The following CDH8 variants were observed in gnomAD, a reference collection of about 807,000 sequenced individuals.
CDH8 encodes the protein cadherin 8, also known as cadherin-8.
CDH8 carries 17 observed loss-of-function variants against 68.1 expected under a neutral mutation model. The ratio of observed to expected loss-of-function variants is 0.25; its 90% CI spans 0.17 to 0.37. The LOEUF (loss-of-function observed/expected upper bound fraction) is 0.37. Among genes scored for constraint, CDH8 ranks in the 10% least tolerant of loss-of-function variants. CDH8 has a pLI of 1.00. For synonymous variants in CDH8, 372 were observed against 365.1 expected (o/e 1.02, Z -0.21); for missense variants, 763 against 999.3 (o/e 0.76, Z 3.19).
At chr16:61,833,825 C>A (rs566007965) in intron 4 of CDH8, among the ~76,000 whole-genome samples, 99 of 151,876 alleles carry the variant, frequency 6.5e-4, no homozygotes, top group Admixed American at 3.9e-4. Flanking sequence ...TCTCAGCTGC[C>A]AAGAAGTCTT....
At chr16:62,025,464 A>G (rs1427903696) in intron 1 of CDH8, among the ~76,000 whole-genome samples, 1 of 152,018 alleles carries the variant, frequency 6.6e-6, no homozygotes, top group Non-Finnish European at 1.5e-5. Flanking sequence ...TTCCCGTGCA[A>G]CTTCCCAATT....
intron 2 of CDH8, among the ~76,000 whole-genome samples, chr16:61,962,296 C>T (rs1018367705): frequency 2.0e-5 from 3 of 152,134 alleles, no homozygotes; most frequent in African/African-American, 4.8e-5. Flanking sequence ...TGTCTCCATG[C>T]AAGTGAGCAT....
chr16:62,030,644 A>C (rs1902302729), intron 1 of CDH8, among the ~76,000 whole-genome samples: 1 of 152,064 alleles, frequency 6.6e-6, no homozygotes, highest in African/African-American at 2.4e-5. Flanking sequence ...TCATTAATCT[A>C]TCTAGAGAGA....
chr16:61,758,949 G>A (rs1214079053), intron 8 of CDH8, among the ~76,000 whole-genome samples: 1 of 152,056 alleles, frequency 6.6e-6, no homozygotes, highest in Non-Finnish European at 1.5e-5. Flanking sequence ...CTTTGGTGAC[G>A]CCATTGAGCA....
intron 4 of CDH8, among the ~76,000 whole-genome samples, chr16:61,826,504 T>C (rs1161128986): frequency 1.3e-5 from 2 of 151,896 alleles, no homozygotes; most frequent in African/African-American, 4.8e-5. Flanking sequence ...GTGTGTTACA[T>C]TTCTGGTCAA....
chr16:61,676,165 C>A (rs1963905999), intron 10 of CDH8, among the ~76,000 whole-genome samples: 1 of 144,012 alleles, frequency 6.9e-6, no homozygotes, highest in Middle Eastern at 3.7e-3. Flanking sequence ...AAAACCACAA[C>A]GTTTTGCTTG....
At chr16:61,742,214 A>T (rs1272392732) in intron 8 of CDH8, among the ~76,000 whole-genome samples, 1 of 152,138 alleles carries the variant, frequency 6.6e-6, no homozygotes, top group African/African-American at 2.4e-5. Context: ...AACTCTGACA[A>T]CCATGCAAAC....
At chr16:61,654,971 G>A (rs898854203) in intron 11 of CDH8, among the ~76,000 whole-genome samples, 5 of 152,050 alleles carry the variant, frequency 3.3e-5, no homozygotes, top group Non-Finnish European at 7.4e-5. Flanking sequence ...TTTATATGAA[G>A]GAAAATATCA....
chr16:61,856,728 G>A (rs1963054500), intron 4 of CDH8, among the ~76,000 whole-genome samples: 1 of 152,126 alleles, frequency 6.6e-6, no homozygotes, highest in East Asian at 1.9e-4. Flanking sequence ...ACAGTATTAT[G>A]TGGTACGTTC....
intron 10 of CDH8, among the ~76,000 whole-genome samples, chr16:61,697,371 T>C (rs1964346615): frequency 6.6e-6 from 1 of 152,140 alleles, no homozygotes; most frequent in South Asian, 2.1e-4. Context: ...TTGGGTCACA[T>C]GTTCACCACC....
At chr16:61,853,851 C>T (rs774669440) in intron 4 of CDH8, among the ~76,000 whole-genome samples, 2 of 151,958 alleles carry the variant, frequency 1.3e-5, no homozygotes, top group African/African-American at 2.4e-5. Flanking sequence ...TTCCCATTAT[C>T]GGTTTATCCA....
intron 7 of CDH8, among the ~76,000 whole-genome samples, chr16:61,798,092 T>C (rs964818567): frequency 1.3e-5 from 2 of 152,222 alleles, no homozygotes; most frequent in Non-Finnish European, 2.9e-5. Flanking sequence ...CTTCAATGTT[T>C]ACATAATACT....
chr16:61,679,973 T>C (rs1963983407), intron 10 of CDH8, among the ~76,000 whole-genome samples: 1 of 152,020 alleles, frequency 6.6e-6, no homozygotes. Context: ...TTTTTGAATT[T>C]TGTGTTCTGT....
chr16:61,976,136 G>C (rs758821591), intron 2 of CDH8, among the ~76,000 whole-genome samples: 5 of 152,172 alleles, frequency 3.3e-5, no homozygotes, highest in Non-Finnish European at 5.9e-5. Flanking sequence ...TTGACTGAAA[G>C]TTCCTCAGAG....
intron 4 of CDH8, among the ~76,000 whole-genome samples, chr16:61,828,390 T>G (rs1395140680): frequency 6.6e-6 from 1 of 151,892 alleles, no homozygotes; most frequent in African/African-American, 2.4e-5. Context: ...CTTAATAAAC[T>G]TGCTTTCACT....
At chr16:61,761,196 A>G (rs1189212315) in intron 8 of CDH8, among the ~76,000 whole-genome samples, 1 of 152,176 alleles carries the variant, frequency 6.6e-6, no homozygotes, top group Non-Finnish European at 1.5e-5. Context: ...CAGAAAAACA[A>G]AAGCATGAGT....
At chr16:61,737,357 A>G (rs8048692) in intron 8 of CDH8, among the ~76,000 whole-genome samples, 45,292 of 152,040 alleles carry the variant, frequency 0.3, 7,061 homozygotes, top group African/African-American at 0.39. Context: ...ATTATAGTCA[A>G]TTGGGGAATG....
At chr16:61,941,705 T>C (rs1248342627) in intron 2 of CDH8, among the ~76,000 whole-genome samples, 4 of 152,186 alleles carry the variant, frequency 2.6e-5, no homozygotes, top group Non-Finnish European at 5.9e-5. Flanking sequence ...CCCTCACAAA[T>C]TGCTGGGATT....
At chr16:61,979,060 A>C (rs1274854787) in intron 2 of CDH8, among the ~76,000 whole-genome samples, 1 of 152,106 alleles carries the variant, frequency 6.6e-6, no homozygotes, top group Admixed American at 6.5e-5. Context: ...AGAAAGAAAA[A>C]AAAAAAAAGC....
Sources: allele counts gnomAD v4.1 joint callset (sites outside exome capture counted in the v4.1 genomes callset), GRCh38; gene constraint gnomAD v4.1.1; transcripts MANE v1.5; gene names NCBI Gene and HGNC (gene_info 2026-07-23, HGNC 2026-07-21).